Variants in CGN observed in about 807,000 individuals in gnomAD.
CGN encodes cingulin.
A neutral mutation model predicts 157.1 loss-of-function variants in CGN; 121 were observed. That is an observed-to-expected ratio of 0.77 (90% CI 0.66 to 0.90). The LOEUF (loss-of-function observed/expected upper bound fraction) is 0.90, where lower values mean the gene tolerates loss of function less well. Among genes scored for constraint, CGN ranks in the 40% least tolerant of loss-of-function variants. The pLI is 0.00. For missense variants in CGN, 1,424 were observed against 1,520.9 expected, an observed-to-expected ratio of 0.94 and a Z score of 1.06; for synonymous variants, 535 against 607.5, an observed-to-expected ratio of 0.88 and a Z score of 1.76.
intron 12 of CGN, 101 bp downstream of exon 12, chr1:151,530,216 C>A: frequency 1.5e-6 from 2 of 1,302,706 alleles, no homozygotes; most frequent in Admixed American, 2.3e-5. Context: ...TAGTGTGCAT[C>A]TGTTTTGCCT....
chr1:151,524,588 C>A lies in CGN; in HGVS notation c.1402-86C>A, dbSNP rs186526223. Reference sequence around the variant, plus strand: ...AGAGCACCTGGTACTGTGCCTAATACGATAAATATTTTTTGACTCAGTGAA... The same window carrying A: ...AGAGCACCTGGTACTGTGCCTAATAAGATAAATATTTTTTGACTCAGTGAA... On this transcript the variant is annotated intron_variant, in intron 7 of 20. Transcript: ENST00000271636. This position sits in a 1 kb window ranked among gnomAD's most constrained non-coding sequence, Gnocchi z 4.4. 3.9e-6 allele frequency: 5 copies of A among 1,284,972 alleles called. No homozygotes were observed. Among genetic ancestry groups the A allele is most frequent in the East Asian group, 2.5e-5 (1 of 40,512 alleles). The allele number at this position is 1,284,972 out of a possible 1,614,324, so 79.6% of individuals were successfully genotyped here.
At chr1:151,522,769 C>G (rs2102492263) in intron 5 of CGN, among the ~76,000 whole-genome samples, 1 of 151,890 alleles carries the variant, frequency 6.6e-6, no homozygotes, top group African/African-American at 2.4e-5. Flanking sequence ...CAAAAATTAG[C>G]CAGGTGAGGT....
At chr1:151,512,748 T>TG (rs1235577026) in intron 1 of CGN, among the ~76,000 whole-genome samples, 5 of 152,270 alleles carry the variant, frequency 3.3e-5, no homozygotes, top group Admixed American at 6.5e-5. Flanking sequence ...TGCCTACACA[T>TG]GCCTATGCAT....
At position 151,532,456 on chromosome 1, in the gene CGN, C is replaced by G; in HGVS notation, c.2626C>G (p.Leu876Val). 6.2e-7 allele frequency: 1 copy of G among 1,605,860 alleles called. No homozygotes were observed. Among genetic ancestry groups the G allele is most frequent in the Non-Finnish European group, 8.5e-7 (1 of 1,177,504 alleles). ...AGCCCTGCAGCAGCTCCAGGCCCAG[C>G]TGGAGGATTATAAGGAAAAGGCCCG... Reference protein sequence around the residue: ...KQALQQLQAQLEDYKEKARRE... With the variant: ...KQALQQLQAQVEDYKEKARRE... Residue 876 changes from leucine to valine, a missense_variant, in exon 14 of 21, where the codon CTG becomes GTG. Coordinates refer to ENST00000271636, the MANE Select transcript of CGN (RefSeq NM_020770.3).
intron 10 of CGN, among the ~76,000 whole-genome samples, chr1:151,527,627 A>G (rs1312425890): frequency 1.3e-5 from 2 of 152,196 alleles, no homozygotes; most frequent in African/African-American, 2.4e-5. Flanking sequence ...ATAGCAGAGT[A>G]TATGGTATTA....
chr1:151,524,343 G>A lies in CGN; in HGVS notation c.1386G>A (p.Lys462=), dbSNP rs762915693. Residue 462 remains lysine, a synonymous_variant, in exon 7 of 21, where the codon AAG becomes AAA. Coordinates refer to ENST00000271636, the MANE Select transcript of CGN (RefSeq NM_020770.3). This position sits in a 1 kb window ranked among gnomAD's most constrained non-coding sequence, Gnocchi z 4.4. ...ATGTCCAGGGTCCTGAGCCTGCTAA[G>A]GAGGTGTTACTGAAGGTAGGGTCTG... ...LKHVQGPEPA[K]EVLLKDLLET... 2.5e-6 allele frequency: 4 copies of A among 1,614,090 alleles called. No homozygotes were observed. The Admixed American group carries it at 6.7e-5, about 27-fold the overall frequency.
At chr1:151,529,297 A>G in intron 10 of CGN, 53 bp from the exon 11 acceptor site, 2 of 1,460,342 alleles carry the variant, frequency 1.4e-6, no homozygotes, top group Non-Finnish European at 1.9e-6. Flanking sequence ...CTCCACATTC[A>G]GGTATCTTAG....
intron 1 of CGN, among the ~76,000 whole-genome samples, chr1:151,513,999 C>T (rs537863633): frequency 6.6e-6 from 1 of 152,366 alleles, no homozygotes; most frequent in African/African-American, 2.4e-5. Flanking sequence ...ACCTGCCTGT[C>T]TCTGGGGCTT....
Position 151,522,612 on chromosome 1 carries a change from C to T in CGN, c.1141-822C>T, listed in dbSNP as rs576330733. Among the ~76,000 whole-genome samples, 68 of 148,892 alleles carry T rather than the reference C, an allele frequency of 4.6e-4. 1 individual carries two copies. The Middle Eastern group carries it at 0.011, about 23-fold the overall frequency. Reference sequence around the variant, plus strand: ...CTGCACTCCAGCTTGGGCAACAGAGCGAGACTCCATCTCAAAAAACAAACA... The same window carrying T: ...CTGCACTCCAGCTTGGGCAACAGAGTGAGACTCCATCTCAAAAAACAAACA... On this transcript the variant is annotated intron_variant, in intron 5 of 20. Coordinates refer to ENST00000271636, the MANE Select transcript of CGN (RefSeq NM_020770.3).
At chr1:151,532,609 C>CT in intron 14 of CGN, 37 bp downstream of exon 14, 1 of 1,156,350 alleles carries the variant, frequency 8.6e-7, no homozygotes, top group South Asian at 2.1e-5. Context: ...AAGGTCCTTG[C>CT]CTCTTTTTTT....
At chr1:151,534,955 A>G in intron 15 of CGN, 87 bp from the exon 16 acceptor site, 1 of 905,092 alleles carries the variant, frequency 1.1e-6, no homozygotes, top group Non-Finnish European at 1.8e-6. Context: ...AAAGTCTGTT[A>G]ATGCTGGAGT....
chr1:151,529,477 G>A lies in CGN; in HGVS notation c.2024G>A (p.Arg675Gln), dbSNP rs373145741. The A allele has an allele frequency of 4.5e-5, 73 of 1,613,810 alleles. No homozygotes were observed. Among genetic ancestry groups the A allele is most frequent in the African/African-American group, 3.2e-4 (24 of 74,850 alleles). ...QLAVLRVEADRGRELEEQNLQ... is the reference protein window; with the variant it reads ...QLAVLRVEADQGRELEEQNLQ... ...GCGGTCCTGAGGGTCGAGGCTGATC[G>A]AGGTCGGGAGCTGGAAGAACAGAAC... The change falls in exon 11 of 21, where the codon CGA (arginine) becomes CAA (glutamine). Residue 675 changes from arginine (R) to glutamine (Q), a missense_variant. By Grantham distance (43) the Arg-to-Gln change is conservative (BLOSUM62 1). This residue lies in a region of CGN where 1,187 missense variants were observed against 1,217.6 expected (regional missense o/e 0.97). Transcript: ENST00000271636.
chr1:151,523,496 A>C lies in CGN; in HGVS notation c.1203A>C (p.Glu401Asp). The C allele has an allele frequency of 6.2e-7, 1 of 1,613,600 alleles. No individual in the cohort carries two copies. Among genetic ancestry groups the C allele is most frequent in the Non-Finnish European group, 8.5e-7 (1 of 1,179,766 alleles). ...AGCGGCAGCTGGAGGAGAAAACAGA[A>C]GAGTGCAGCCGACTGCAGGAGCTGC... The part of the protein sequence containing the change: ...GLERQLEEKT[E>D]ECSRLQELLE... The change falls in exon 6 of 21, where the codon GAA becomes GAC. Residue 401 changes from glutamate (E) to aspartate (D), a missense_variant. This residue lies in a region of CGN where 1,187 missense variants were observed against 1,217.6 expected (regional missense o/e 0.97). Transcript: ENST00000271636.
chr1:151,535,726 G>A (rs1197875474), intron 17 of CGN, 43 bp downstream of exon 17: 5 of 1,608,302 alleles, frequency 3.1e-6, no homozygotes, highest in Non-Finnish European at 4.3e-6. Context: ...ACCCCAGGAG[G>A]TGAGTAAAAT....
intron 14 of CGN, 102 bp from the exon 15 acceptor site, chr1:151,533,873 G>GACCC: frequency 1.0e-6 from 1 of 955,774 alleles, no homozygotes; most frequent in Non-Finnish European, 1.5e-6. Flanking sequence ...TCTAAAGAGT[G>GACCC]ACAGTGATGA....
chr1:151,536,632 C>A, intron 19 of CGN, 98 bp from the exon 20 acceptor site: 1 of 1,288,892 alleles, frequency 7.8e-7, no homozygotes, highest in Non-Finnish European at 1.1e-6. Context: ...CCACATTTTT[C>A]CAGCGGCAAT....
At chr1:151,534,936 C>T (rs1405792858) in intron 15 of CGN, 106 bp from the exon 16 acceptor site, 8 of 782,162 alleles carry the variant, frequency 1.0e-5, no homozygotes, top group Middle Eastern at 2.3e-4. Flanking sequence ...CTGGGATGTG[C>T]AAGAGAGAAA....
At position 151,520,583 on chromosome 1, in the gene CGN, A is replaced by T; in HGVS notation, c.1045-13A>T. The T allele has an allele frequency of 6.2e-7, 1 of 1,614,010 alleles. No homozygotes were observed. Among genetic ancestry groups the T allele is most frequent in the Non-Finnish European group, 8.5e-7 (1 of 1,179,952 alleles). On this transcript the variant is annotated splice_polypyrimidine_tract_variant and intron_variant, in intron 4 of 20. Coordinates refer to ENST00000271636, the MANE Select transcript of CGN (RefSeq NM_020770.3). ...CTCACTCCCTTCCCCCACACCCCCC[A>T]TATCTCTGGCAGATGGTTTCTTCTG...
chr1:151,520,482 T>TGG lies in CGN; in HGVS notation c.1044_1044+1dup, dbSNP rs1172712499. 6.2e-7 allele frequency: 1 copy of TGG among 1,613,850 alleles called. No individual in the cohort carries two copies. The highest frequency in any genetic ancestry group is 1.3e-5 in the African/African-American group (1 of 74,922). The stretch of plus-strand genomic sequence containing the variant: ...GTGCTGGAGAAGATGCAGCCTCTAG[T>TGG]GGTGAGTGGCCTTCTCTGGATGGGA... On this transcript the variant is annotated frameshift_variant and splice_region_variant, in exon 4 of 21. Transcript: ENST00000271636. LOFTEE classifies it high-confidence loss of function.
Sources: gnomAD v4.1 joint callset for allele counts (sites outside exome capture counted in the v4.1 genomes callset) on GRCh38, gnomAD v4.1.1 for gene constraint, gnomAD v4.1.1 regional missense constraint, Gnocchi (gnomAD v3.1) non-coding constraint, MANE v1.5 for transcripts, NCBI Gene and HGNC (gene_info 2026-07-23, HGNC 2026-07-21) for gene names.